The following NR5A2 variants were observed in gnomAD, a reference collection of about 807,000 sequenced individuals.
NR5A2 encodes the protein CYP7A promoter-binding factor.
Under a neutral mutation model 62.7 loss-of-function variants are expected in NR5A2, and 26 were observed. The ratio of observed to expected loss-of-function variants is 0.41; its 90% CI spans 0.30 to 0.58. The LOEUF (loss-of-function observed/expected upper bound fraction) is 0.58. Ranked by LOEUF, NR5A2 falls within the 20% of genes least tolerant of loss-of-function variation. The pLI is 0.22. For missense variants in NR5A2, 541 were observed against 669.1 expected (o/e 0.81, Z 2.11); for synonymous variants, 246 against 241.7 (o/e 1.02, Z -0.16).
chr1:200,094,464 T>C (rs1381069878), intron 5 of NR5A2, among the ~76,000 whole-genome samples: 1 of 150,354 alleles, frequency 6.7e-6, no homozygotes, highest in Admixed American at 6.7e-5. Context: ...GGATTACAGA[T>C]GTGAGCCACC....
At chr1:200,054,159 T>C (rs1239816147) in intron 5 of NR5A2, 1 of 152,154 alleles carries the variant, frequency 6.6e-6, no homozygotes, top group Non-Finnish European at 1.5e-5. Context: ...AAACTGTCCA[T>C]AAAAAAGAGA....
intron 7 of NR5A2, among the ~76,000 whole-genome samples, chr1:200,143,983 CTGTTTGTGACAGAGATGTTGACAT>C (rs1005646092): frequency 6.6e-6 from 1 of 152,056 alleles, no homozygotes; most frequent in African/African-American, 2.4e-5. Flanking sequence ...CATTTCTGCT[CTGTTTGTGACAGAGATGTTGACAT>C]TGTTTGAGCC....
chr1:200,081,129 C>G (rs1341979250), intron 5 of NR5A2, among the ~76,000 whole-genome samples: 1 of 152,318 alleles, frequency 6.6e-6, no homozygotes, highest in East Asian at 1.9e-4. Context: ...TGTTTTTCCA[C>G]TTGTTGCTTG....
chr1:200,049,574 G>A (rs904790580), intron 5 of NR5A2, among the ~76,000 whole-genome samples: 1 of 152,186 alleles, frequency 6.6e-6, no homozygotes, highest in Non-Finnish European at 1.5e-5. Context: ...GAATGAATGT[G>A]AGAAAGTTAT....
chr1:200,123,915 C>T (rs1466277605), intron 7 of NR5A2, among the ~76,000 whole-genome samples: 1 of 151,802 alleles, frequency 6.6e-6, no homozygotes, highest in Non-Finnish European at 1.5e-5. Context: ...GATTCTCCTG[C>T]CTCAGCCTCC....
chr1:200,079,477 G>A (rs1236252743), intron 5 of NR5A2, among the ~76,000 whole-genome samples: 1 of 152,234 alleles, frequency 6.6e-6, no homozygotes, highest in African/African-American at 2.4e-5. Flanking sequence ...GAAACAGGTG[G>A]AAGGTTAATG....
At chr1:200,170,852 A>G (rs1323536838) in intron 7 of NR5A2, among the ~76,000 whole-genome samples, 1 of 152,244 alleles carries the variant, frequency 6.6e-6, no homozygotes, top group African/African-American at 2.4e-5. Flanking sequence ...TCCATTACAT[A>G]TATGCCAAAT....
At chr1:200,123,383 A>T (rs1297350215) in intron 7 of NR5A2, among the ~76,000 whole-genome samples, 1 of 152,208 alleles carries the variant, frequency 6.6e-6, no homozygotes, top group Admixed American at 6.5e-5. Flanking sequence ...AGAGAGCAAA[A>T]TGAGTTTGGG....
chr1:200,111,023 C>A (rs1232435763), intron 5 of NR5A2, among the ~76,000 whole-genome samples, 179 bp from the exon 6 acceptor site: 2 of 152,154 alleles, frequency 1.3e-5, no homozygotes, highest in Non-Finnish European at 2.9e-5. Flanking sequence ...GAATGAAAAT[C>A]CTGATTTTCA....
At chr1:200,137,888 A>G (rs949488163) in intron 7 of NR5A2, among the ~76,000 whole-genome samples, 2 of 152,170 alleles carry the variant, frequency 1.3e-5, no homozygotes, top group South Asian at 4.1e-4. Context: ...CCATATCAAA[A>G]GGGATTGGGG....
chr1:200,148,751 CT>C (rs914789685), intron 7 of NR5A2, among the ~76,000 whole-genome samples: 1 of 152,030 alleles, frequency 6.6e-6, no homozygotes, highest in Non-Finnish European at 1.5e-5. Context: ...ATTTTAGTAG[CT>C]AAATAATCTA....
At chr1:200,113,622 C>T (rs1373099466) in intron 6 of NR5A2, among the ~76,000 whole-genome samples, 1 of 152,136 alleles carries the variant, frequency 6.6e-6, no homozygotes, top group East Asian at 1.9e-4. Flanking sequence ...ATATGTTGGG[C>T]ACATGATACA....
chr1:200,121,483 G>T (rs937402145), intron 7 of NR5A2, among the ~76,000 whole-genome samples: 5 of 152,190 alleles, frequency 3.3e-5, no homozygotes, highest in African/African-American at 1.2e-4. Context: ...AGTTGTCAAG[G>T]GGAAAGGATG....
In NR5A2 at chr1:200,147,086, A is replaced by G. The variant is rs1406430039; in HGVS notation, c.1378+26131A>G. On this transcript the variant is annotated intron_variant, in intron 7 of 7. Coordinates refer to ENST00000367362, the MANE Select transcript of NR5A2 (RefSeq NM_205860.3). The surrounding 1 kb of genome is among the most constrained non-coding windows in gnomAD (Gnocchi z 4.9). ...AGCAAAGGGCACCAAAAGAAAAGAT[A>G]AATTGCCCAAAATAAATAAGGGCTG... Among the ~76,000 whole-genome samples the G allele has an allele frequency of 6.6e-6, 1 of 152,244 alleles. No individual in the cohort carries two copies. The highest frequency in any genetic ancestry group is 1.5e-5 in the Non-Finnish European group (1 of 68,038).
chr1:200,168,158 G>A (rs1558180457), intron 7 of NR5A2, among the ~76,000 whole-genome samples: 1 of 151,274 alleles, frequency 6.6e-6, no homozygotes, highest in South Asian at 2.1e-4. Flanking sequence ...CCAATCAGTT[G>A]TAAGGGCCTG....
rs544292177 is a variant in NR5A2, at chr1:200,038,657, C to T, written c.65-1001C>T. On this transcript the variant is annotated intron_variant, in intron 1 of 7. Transcript: ENST00000367362. ...CTCATCCGACACACTAGCAAGGGCA[C>T]ACGCCCACCCGCGCCCCCATCCCTT... 4.1e-5 allele frequency: 54 copies of T among 1,312,614 alleles called. No individual in the cohort carries two copies. The East Asian group carries it at 2.4e-3, about 58-fold the overall frequency. The allele number at this position is 1,312,614 out of a possible 1,614,324, so 81.3% of individuals were successfully genotyped here.
rs529141093 is a variant in NR5A2, at chr1:200,150,990, ATTTG to A, written c.1379-22965_1379-22962del. ...AGGTAGTTGATTTTTTGGTTGGTTC[ATTTG>A]TTTGTTTTTCCTCCCTGTTGTTTGC... On this transcript the variant is annotated intron_variant, in intron 7 of 7. Transcript: ENST00000367362. Among the ~76,000 whole-genome samples, 411 of 152,160 alleles carry A rather than the reference ATTTG, an allele frequency of 2.7e-3. 1 individual carries two copies. The highest frequency in any genetic ancestry group is 4.4e-3 in the Non-Finnish European group (296 of 67,986).
Position 200,130,302 on chromosome 1 carries a change from AGAAGAAGAAGAAGAAG to A in NR5A2, c.1378+9348_1378+9363del, listed in dbSNP as rs759855362. The stretch of plus-strand genomic sequence containing the variant: ...AGGAAGAAGAAGAAGAAGAAGAAGA[AGAAGAAGAAGAAGAAG>A]AAGAAAAAAAAAATCCAACAGAGAA... On this transcript the variant is annotated intron_variant, in intron 7 of 7. Transcript: ENST00000367362. Among the ~76,000 whole-genome samples the A allele has an allele frequency of 2.1e-4, 25 of 119,056 alleles. 1 individual carries two copies. Among genetic ancestry groups the A allele is most frequent in the East Asian group, 5.1e-4 (2 of 3,904 alleles). The allele number at this position is 119,056 out of a possible 152,430, so 78.1% of individuals were successfully genotyped here.
At chr1:200,073,700 CCACA>C (rs750209004) in intron 5 of NR5A2, among the ~76,000 whole-genome samples, 18 of 150,612 alleles carry the variant, frequency 1.2e-4, no homozygotes, top group Admixed American at 2.0e-4. Context: ...CACACACACA[CCACA>C]CACACACACA....
Sources: allele counts gnomAD v4.1 joint callset (sites outside exome capture counted in the v4.1 genomes callset), GRCh38; gene constraint gnomAD v4.1.1; non-coding constraint Gnocchi (gnomAD v3.1); transcripts MANE v1.5; gene names NCBI Gene and HGNC (gene_info 2026-07-23, HGNC 2026-07-21).